SLC45A4: variants seen among roughly 807,000 people sequenced by gnomAD.
SLC45A4 encodes the protein polyamine-transporter SLC45A4.
A neutral mutation model predicts 63.7 loss-of-function variants in SLC45A4; 32 were observed. The observed-to-expected ratio is 0.50, with a 90% confidence interval of 0.38 to 0.67. The LOEUF is 0.67. SLC45A4 is among the 30% of genes least tolerant of loss of function. The probability of loss-of-function intolerance (pLI) is 0.00; values close to 1 mark genes in which losing one functional copy is unlikely to be tolerated. For missense variants in SLC45A4, 1,027 were observed against 1,157.7 expected, an observed-to-expected ratio of 0.89 and a Z score of 1.64; for synonymous variants, 535 against 510.0, an observed-to-expected ratio of 1.05 and a Z score of -0.66.
At chr8:141,228,367 G>A in intron 2 of SLC45A4, 1 of 1,560,936 alleles carries the variant, frequency 6.4e-7, no homozygotes, top group Non-Finnish European at 8.7e-7. Context: ...TCAACAGCCT[G>A]GCTAGAGGCC....
At chr8:141,240,292 A>G (rs947660142) in intron 2 of SLC45A4, among the ~76,000 whole-genome samples, 1 of 152,250 alleles carries the variant, frequency 6.6e-6, no homozygotes, top group Non-Finnish European at 1.5e-5. Flanking sequence ...GTTCTAACTC[A>G]TGAGTCAAAC....
At chr8:141,276,299 A>T (rs1451184530) in intron 1 of SLC45A4, among the ~76,000 whole-genome samples, 1 of 152,240 alleles carries the variant, frequency 6.6e-6, no homozygotes, top group Non-Finnish European at 1.5e-5. Context: ...GGTAAGTGAT[A>T]TGACATTCAG....
At chr8:141,298,910 T>TG (rs1390076468) in intron 1 of SLC45A4, among the ~76,000 whole-genome samples, 3 of 149,362 alleles carry the variant, frequency 2.0e-5, no homozygotes, top group Non-Finnish European at 3.0e-5. Context: ...CAGTGGGGGG[T>TG]GGGGGGAGCT....
At chr8:141,221,312 A>G (rs868388767) in intron 3 of SLC45A4, among the ~76,000 whole-genome samples, 9 of 152,288 alleles carry the variant, frequency 5.9e-5, no homozygotes, top group African/African-American at 2.2e-4. Context: ...TGCTGGAAAC[A>G]GGACGTGGTG....
chr8:141,258,701 A>T (rs530163484), intron 1 of SLC45A4, among the ~76,000 whole-genome samples: 39 of 152,106 alleles, frequency 2.6e-4, no homozygotes, highest in Non-Finnish European at 4.4e-4. Context: ...TGGGCAACAC[A>T]GCAAGACTCC....
intron 7 of SLC45A4, among the ~76,000 whole-genome samples, chr8:141,213,233 T>G (rs1825945516): frequency 6.6e-6 from 1 of 152,180 alleles, no homozygotes; most frequent in African/African-American, 2.4e-5. Context: ...AGCTAAGCAA[T>G]GTCAAGGTTG....
chr8:141,211,409 C>T lies in SLC45A4; in HGVS notation c.*163G>A. The stretch of plus-strand genomic sequence containing the variant: ...CCCCCAGGTGGTGCCCAGCCCATCC[C>T]TGGGCAGGGTGTCTGGGAGCCACCC... On this transcript the variant is annotated 3_prime_UTR_variant, in exon 9 of 9. Transcript: ENST00000517878. 6.5e-7 allele frequency: 1 copy of T among 1,541,594 alleles called. No homozygotes were observed. The highest frequency in any genetic ancestry group is 2.3e-5 in the East Asian group (1 of 43,820).
At position 141,218,451 on chromosome 8, in the gene SLC45A4, C is replaced by G; in HGVS notation, c.1189G>C (p.Gly397Arg). 2.5e-6 allele frequency: 4 copies of G among 1,612,752 alleles called. No individual in the cohort carries two copies. Among genetic ancestry groups the G allele is most frequent in the Non-Finnish European group, 2.5e-6 (3 of 1,179,940 alleles). Reference protein sequence around the residue: ...SGSPTKDALGGYTRVDTKPSA... With the variant: ...SGSPTKDALGRYTRVDTKPSA... ...GGCTTCGTGTCCACCCTGGTGTAGC[C>G]GCCGAGGGCGTCTTTTGTGGGGGAG... The change falls in exon 5 of 9, where the codon GGC becomes CGC. Residue 397 changes from glycine to arginine, a missense_variant. Transcript: ENST00000517878.
chr8:141,228,065 G>A (rs1442446550), intron 2 of SLC45A4: 58 of 1,305,488 alleles, frequency 4.4e-5, no homozygotes, highest in Non-Finnish European at 6.0e-5. Context: ...AGAGCCCTGA[G>A]GGGAGAGCTG....
In SLC45A4 at chr8:141,209,981, G is replaced by GC. The variant is rs1825720989; in HGVS notation, c.*1590dup. 1 of 152,242 alleles carries GC rather than the reference G, an allele frequency of 6.6e-6. No homozygotes were observed. The highest frequency in any genetic ancestry group is 2.4e-5 in the African/African-American group (1 of 41,454). 9.4% of individuals were successfully genotyped at this position (152,242 alleles called of 1,614,324 possible). On this transcript the variant is annotated 3_prime_UTR_variant, in exon 9 of 9. Transcript: ENST00000517878. ...GGTGGGAAGCCTCAGGCAAGGGGTGGCCCCCAGATGAACCCACATTTGGTG... is the reference window on the plus strand; with the variant it reads ...GGTGGGAAGCCTCAGGCAAGGGGTGGCCCCCCAGATGAACCCACATTTGGTG...
chr8:141,301,846 C>T (rs547388127), intron 1 of SLC45A4, among the ~76,000 whole-genome samples: 5 of 151,238 alleles, frequency 3.3e-5, no homozygotes, highest in African/African-American at 1.2e-4. Context: ...CCTGTGGTCC[C>T]AGCTACTCAG....
Position 141,219,756 on chromosome 8 carries a change from C to T in SLC45A4, c.504G>A (p.Leu168=), listed in dbSNP as rs769426029. 1.1e-5 allele frequency: 18 copies of T among 1,602,470 alleles called. No individual in the cohort carries two copies. Among genetic ancestry groups the T allele is most frequent in the Non-Finnish European group, 1.5e-5 (18 of 1,175,098 alleles). ...CCTCGGTGGCATCGGCGCTGAAGTC[C>T]AGGACCACCACTCCCAGCACCGTGA... ...IVLTVLGVVV[L]DFSADATEGP... Residue 168 remains leucine (L), a synonymous_variant, in exon 4 of 9, where the codon CTG becomes CTA. Coordinates refer to ENST00000517878, the MANE Select transcript of SLC45A4 (RefSeq NM_001286646.2).
Position 141,286,520 on chromosome 8 carries a change from G to A in SLC45A4, c.-401+21576C>T, listed in dbSNP as rs547560759. ...TTCCAGATGAGGGCAGGTGCAAATC[G>A]AGGAATTTATACTTCACAAGAAAAG... is the stretch of plus-strand genomic sequence containing the variant. On this transcript the variant is annotated intron_variant, in intron 1 of 8. Transcript: ENST00000517878. Among the ~76,000 whole-genome samples the A allele has an allele frequency of 1.1e-3, 172 of 152,136 alleles. 1 individual carries two copies. The highest frequency in any genetic ancestry group is 1.1e-3 in the Admixed American group (17 of 15,274).
chr8:141,289,571 G>A (rs1286765612), intron 1 of SLC45A4, among the ~76,000 whole-genome samples: 1 of 152,188 alleles, frequency 6.6e-6, no homozygotes, highest in Admixed American at 6.5e-5. Flanking sequence ...GGTTTTCCTT[G>A]GGCGGAGAAG....
chr8:141,246,603 T>C (rs1828212573), intron 2 of SLC45A4, among the ~76,000 whole-genome samples: 1 of 152,284 alleles, frequency 6.6e-6, no homozygotes, highest in African/African-American at 2.4e-5. Flanking sequence ...CAGGAATTAC[T>C]CAAGGGGAGG....
intron 1 of SLC45A4, among the ~76,000 whole-genome samples, chr8:141,268,764 C>T (rs895572999): frequency 2.6e-5 from 4 of 152,160 alleles, no homozygotes; most frequent in African/African-American, 7.2e-5. Flanking sequence ...CTGACTGCCG[C>T]GTACTTGGGG....
chr8:141,232,427 A>T lies in SLC45A4; in HGVS notation c.242-10662T>A, dbSNP rs113911991. Among the ~76,000 whole-genome samples, 716 of 152,374 alleles carry T rather than the reference A, an allele frequency of 4.7e-3. 7 individuals are homozygous for T. The highest frequency in any genetic ancestry group is 0.017 in the African/African-American group (691 of 41,586). ...GTAGCTTTGATTATAACAGATGGCC[A>T]GAAACACCCCAAATGCCCAAGCATG... is the stretch of plus-strand genomic sequence containing the variant. On this transcript the variant is annotated intron_variant, in intron 2 of 8. Coordinates refer to ENST00000517878, the MANE Select transcript of SLC45A4 (RefSeq NM_001286646.2).
chr8:141,286,686 C>T (rs1171992543), intron 1 of SLC45A4, among the ~76,000 whole-genome samples: 1 of 151,702 alleles, frequency 6.6e-6, no homozygotes, highest in Non-Finnish European at 1.5e-5. Flanking sequence ...ATGGGTAAGG[C>T]CCCAACTTTA....
chr8:141,249,987 C>G (rs1828391155), intron 2 of SLC45A4, among the ~76,000 whole-genome samples: 1 of 152,186 alleles, frequency 6.6e-6, no homozygotes, highest in South Asian at 2.1e-4. Context: ...CTCTGTAATG[C>G]TCAGGGTCAA....
Sources: gnomAD v4.1 joint callset for allele counts (sites outside exome capture counted in the v4.1 genomes callset) on GRCh38, gnomAD v4.1.1 for gene constraint, MANE v1.5 for transcripts, NCBI Gene and HGNC (gene_info 2026-07-23, HGNC 2026-07-21) for gene names.